Variants in FOXP1 observed in about 807,000 individuals in gnomAD.
FOXP1 encodes the protein forkhead box P1, also known as forkhead box protein P1.
Under a neutral mutation model 98.2 loss-of-function variants are expected in FOXP1, and 15 were observed. That is an observed-to-expected ratio of 0.15 (90% CI 0.10 to 0.24). The LOEUF (loss-of-function observed/expected upper bound fraction) is 0.24, where lower values mean the gene tolerates loss of function less well. Among genes scored for constraint, FOXP1 ranks in the 10% least tolerant of loss-of-function variants. The pLI is 1.00. For synonymous variants in FOXP1, 371 were observed against 314.5 expected (o/e 1.18, Z -1.90); for missense variants, 633 against 848.5 (o/e 0.75, Z 3.15).
At chr3:71,333,580 T>C (rs1360459098) in intron 4 of FOXP1, 1 of 152,242 alleles carries the variant, frequency 6.6e-6, no homozygotes, top group Admixed American at 6.5e-5. Flanking sequence ...CCCAGCACTT[T>C]GGGAGGCCGA....
intron 6 of FOXP1, among the ~76,000 whole-genome samples, chr3:71,165,618 A>ACCTTG (rs1317566742): frequency 6.6e-6 from 1 of 152,198 alleles, no homozygotes; most frequent in Non-Finnish European, 1.5e-5. Flanking sequence ...TCTAAACCCC[A>ACCTTG]CCTTGCCTTG....
chr3:71,050,628 C>A (rs1419312874), intron 9 of FOXP1, among the ~76,000 whole-genome samples: 2 of 152,214 alleles, frequency 1.3e-5, no homozygotes, highest in Non-Finnish European at 2.9e-5. Flanking sequence ...GGGGAAACCT[C>A]TTGAGGCTGT....
chr3:70,959,910 C>T (rs866333727), intron 20 of FOXP1, among the ~76,000 whole-genome samples: 2 of 152,134 alleles, frequency 1.3e-5, no homozygotes, highest in Non-Finnish European at 2.9e-5. Context: ...GATAACAGGT[C>T]CCGTAGTGGC....
At chr3:71,405,738 A>ATTTT (rs1183542150) in intron 3 of FOXP1, among the ~76,000 whole-genome samples, 6 of 150,960 alleles carry the variant, frequency 4.0e-5, no homozygotes, top group South Asian at 2.1e-4. Flanking sequence ...TTATTTATTT[A>ATTTT]TTTTTTTGAG....
At chr3:71,544,175 T>A (rs2045158891) in intron 2 of FOXP1, among the ~76,000 whole-genome samples, 1 of 151,666 alleles carries the variant, frequency 6.6e-6, no homozygotes, top group Non-Finnish European at 1.5e-5. Flanking sequence ...TAAAAAGATA[T>A]AAGTACTTAA....
intron 7 of FOXP1, among the ~76,000 whole-genome samples, chr3:71,090,928 T>A (rs2055746145): frequency 6.6e-6 from 1 of 152,180 alleles, no homozygotes; most frequent in Admixed American, 6.5e-5. Flanking sequence ...TCTCTGCCCA[T>A]CTACTACCAT....
At chr3:71,312,658 T>C (rs1245046975) in intron 4 of FOXP1, among the ~76,000 whole-genome samples, 6 of 152,182 alleles carry the variant, frequency 3.9e-5, no homozygotes, top group East Asian at 3.9e-4. Context: ...TGCCGCACAA[T>C]AGCCTGGGCA....
intron 7 of FOXP1, among the ~76,000 whole-genome samples, chr3:71,084,685 T>C (rs1251732328): frequency 6.6e-6 from 1 of 152,214 alleles, no homozygotes; most frequent in Non-Finnish European, 1.5e-5. Context: ...CTTGCATAGT[T>C]AACACTATTT....
chr3:71,152,206 G>C (rs2060606104), intron 6 of FOXP1, among the ~76,000 whole-genome samples: 1 of 151,952 alleles, frequency 6.6e-6, no homozygotes, highest in Non-Finnish European at 1.5e-5. Flanking sequence ...GAAACAGTGG[G>C]TGGTCTCCAT....
intron 5 of FOXP1, among the ~76,000 whole-genome samples, chr3:71,293,199 C>G (rs899424776): frequency 6.6e-6 from 1 of 152,152 alleles, no homozygotes; most frequent in East Asian, 1.9e-4. Flanking sequence ...ATCTGTGGTA[C>G]GTCGTTAAGT....
At position 71,141,266 on chromosome 3, in the gene FOXP1, C is replaced by CAAA. The variant is rs71621921; in HGVS notation, c.181-28632_181-28630dup. The stretch of plus-strand genomic sequence containing the variant: ...CTGGTGACAGAGCAAGACTCTGTCT[C>CAAA]AAAAAAAAAAAAAAAAAAAAGAAAC... On this transcript the variant is annotated intron_variant, in intron 6 of 20. Coordinates refer to ENST00000649528, the MANE Select transcript of FOXP1 (RefSeq NM_001349338.3). 1.7e-3 allele frequency among the ~76,000 whole-genome samples: 121 copies of CAAA among 71,798 alleles called. 2 individuals are homozygous for CAAA. Among genetic ancestry groups the CAAA allele is most frequent in the African/African-American group, 4.6e-3 (98 of 21,360 alleles). The allele number at this position is 71,798 out of a possible 152,430, so 47.1% of individuals were successfully genotyped here.
chr3:71,404,939 C>T (rs1367507981), intron 3 of FOXP1, among the ~76,000 whole-genome samples: 1 of 152,180 alleles, frequency 6.6e-6, no homozygotes, highest in Non-Finnish European at 1.5e-5. Context: ...TGATGGCAGG[C>T]AACAGGGCAA....
intron 4 of FOXP1, among the ~76,000 whole-genome samples, chr3:71,328,735 G>A (rs1045064765): frequency 6.6e-6 from 1 of 152,062 alleles, no homozygotes; most frequent in Non-Finnish European, 1.5e-5. Context: ...CACTTTAGGA[G>A]GCTGAGGCAG....
At position 71,287,531 on chromosome 3, in the gene FOXP1, G is replaced by A. The variant is rs113029996; in HGVS notation, c.-12+12289C>T. 5.8e-3 allele frequency among the ~76,000 whole-genome samples: 881 copies of A among 152,058 alleles called. 5 individuals carry two copies. The highest frequency in any genetic ancestry group is 9.8e-3 in the Non-Finnish European group (667 of 67,984). ...GCTGTGGCTCACGCCTGTAATCCCA[G>A]CTCTTTGGGAGGCTGAGAGGGGCAG... On this transcript the variant is annotated intron_variant, in intron 5 of 20. Transcript: ENST00000649528.
At chr3:71,424,559 T>A (rs759582231) in intron 3 of FOXP1, among the ~76,000 whole-genome samples, 1 of 151,998 alleles carries the variant, frequency 6.6e-6, no homozygotes, top group African/African-American at 2.4e-5. Context: ...GGGACCACCA[T>A]GCCTAAGAAT....
At position 71,203,836 on chromosome 3, in the gene FOXP1, C is replaced by T. The variant is rs1025608277; in HGVS notation, c.-11-5444G>A. Among the ~76,000 whole-genome samples, 13 of 151,962 alleles carry T rather than the reference C, an allele frequency of 8.6e-5. 1 individual carries two copies. The highest frequency in any genetic ancestry group is 3.4e-3 in the Middle Eastern group (1 of 294). ...GTAATTACACAGTCCACCCCCCATC[C>T]GAAAAGAAAAATTCTCTTTCTCATT... On this transcript the variant is annotated intron_variant, in intron 5 of 20. Transcript: ENST00000649528.
intron 12 of FOXP1, among the ~76,000 whole-genome samples, chr3:71,013,101 G>C (rs768507762): frequency 5.3e-5 from 8 of 152,150 alleles, no homozygotes; most frequent in Admixed American, 2.0e-4. Context: ...CTTCAGCTAT[G>C]AGATTAATAT....
intron 4 of FOXP1, among the ~76,000 whole-genome samples, chr3:71,351,104 C>T (rs1353444922): frequency 6.6e-6 from 1 of 152,088 alleles, no homozygotes; most frequent in Non-Finnish European, 1.5e-5. Context: ...GGAGTTGCTA[C>T]AAAAACAGAC....
At chr3:71,422,201 G>C (rs1219848832) in intron 3 of FOXP1, among the ~76,000 whole-genome samples, 1 of 152,134 alleles carries the variant, frequency 6.6e-6, no homozygotes, top group African/African-American at 2.4e-5. Context: ...GAAGTCAAGG[G>C]GAGTGATAAT....
Sources: gnomAD v4.1 joint callset for allele counts (sites outside exome capture counted in the v4.1 genomes callset) on GRCh38, gnomAD v4.1.1 for gene constraint, MANE v1.5 for transcripts, NCBI Gene and HGNC (gene_info 2026-07-23, HGNC 2026-07-21) for gene names.